The following FLRT2 variants were observed in gnomAD, a reference collection of about 807,000 sequenced individuals.
FLRT2 encodes the protein leucine-rich repeat transmembrane protein FLRT2.
FLRT2 carries 15 observed loss-of-function variants against 40.0 expected under a neutral mutation model. The ratio of observed to expected loss-of-function variants is 0.38; its 90% CI spans 0.25 to 0.58. The LOEUF is 0.58. Ranked by LOEUF, FLRT2 falls within the 20% of genes least tolerant of loss-of-function variation. The probability of loss-of-function intolerance (pLI) is 0.71; values close to 1 mark genes in which losing one functional copy is unlikely to be tolerated. For missense variants in FLRT2, 726 were observed against 840.0 expected, an observed-to-expected ratio of 0.86 and a Z score of 1.68; for synonymous variants, 380 against 336.8, an observed-to-expected ratio of 1.13 and a Z score of -1.41.
At chr14:85,558,218 A>C (rs1449629957) in intron 1 of FLRT2, among the ~76,000 whole-genome samples, 1 of 152,104 alleles carries the variant, frequency 6.6e-6, no homozygotes, top group Non-Finnish European at 1.5e-5. Flanking sequence ...CCTATTTTTA[A>C]TTTGTAAGCA....
rs5810256 is a variant in FLRT2 at position 85,530,619 on chromosome 14, ATT to A, written c.-377+96_-377+97del. 2.7e-3 allele frequency: 405 copies of A among 148,976 alleles called. 5 individuals are homozygous for A. The highest frequency in any genetic ancestry group is 7.8e-3 in the African/African-American group (314 of 40,352). 9.2% of individuals were successfully genotyped at this position (148,976 alleles called of 1,614,324 possible). A position where few individuals can be genotyped will look rare whatever the true frequency, so the allele number is the denominator to read the frequency against. On this transcript the variant is annotated intron_variant, in intron 1 of 1. Transcript: ENST00000330753. ...TGGCACCACGCTGTCTCTTCGGGGG[ATT>A]TTTTTTTTTTGAAAGAGCTGGGGGT...
rs1167699671 is a variant in FLRT2, at chr14:85,652,485, T to A, written c.*28988T>A. 1.3e-5 allele frequency: 2 copies of A among 151,970 alleles called. No homozygotes were observed. The highest frequency in any genetic ancestry group is 4.8e-5 in the African/African-American group (2 of 41,392). 9.4% of individuals were successfully genotyped at this position (151,970 alleles called of 1,614,324 possible). A position where few individuals can be genotyped will look rare whatever the true frequency, so the allele number is the denominator to read the frequency against. On this transcript the variant is annotated 3_prime_UTR_variant, in exon 2 of 2. Coordinates refer to ENST00000330753, the MANE Select transcript of FLRT2 (RefSeq NM_013231.6). The stretch of plus-strand genomic sequence containing the variant: ...CCATAGGAAAATTCTTTTTTGAGAA[T>A]TTTTTTCTTATAACGTTCTTCATCT...
intron 1 of FLRT2, chr14:85,560,845 A>T (rs1049479904): frequency 1.3e-5 from 2 of 151,956 alleles, no homozygotes; most frequent in African/African-American, 4.8e-5. Context: ...AATGTGAAAA[A>T]TTTTCTTTTC....
chr14:85,643,291 T>TTTTCTTTC lies in FLRT2; in HGVS notation c.*19853_*19860dup, dbSNP rs145007843. The TTTTCTTTC allele has an allele frequency of 9.3e-5, 11 of 118,758 alleles. No homozygotes were observed. The highest frequency in any genetic ancestry group is 3.1e-4 in the South Asian group (1 of 3,210). 7.4% of individuals were successfully genotyped at this position (118,758 alleles called of 1,614,324 possible). On this transcript the variant is annotated 3_prime_UTR_variant, in exon 2 of 2. Coordinates refer to ENST00000330753, the MANE Select transcript of FLRT2 (RefSeq NM_013231.6). Reference sequence around the variant, plus strand: ...AGAGAGTTCAGAGGGTATTTCTTTTTTTTCTTTCTTTCTTTCTTTCTTTCT... The same window carrying TTTTCTTTC: ...AGAGAGTTCAGAGGGTATTTCTTTTTTTTCTTTCTTTCTTTCTTTCTTTCTTTCTTTCT...
chr14:85,565,657 A>G (rs1890584700), intron 1 of FLRT2, among the ~76,000 whole-genome samples: 1 of 152,164 alleles, frequency 6.6e-6, no homozygotes, highest in African/African-American at 2.4e-5. Context: ...TAAAATACAC[A>G]TCGTTAGCTT....
rs1205722038 is a variant in FLRT2 at position 85,640,427 on chromosome 14, C to A, written c.*16930C>A. ...TTCCTTGGGAAGTAAACTTTGGTCA[C>A]CACAATATACATAGCAAGTATTAAA... On this transcript the variant is annotated 3_prime_UTR_variant, in exon 2 of 2. Coordinates refer to ENST00000330753, the MANE Select transcript of FLRT2 (RefSeq NM_013231.6). 6.6e-6 allele frequency: 1 copy of A among 152,058 alleles called. No homozygotes were observed. Among genetic ancestry groups the A allele is most frequent in the African/African-American group, 2.4e-5 (1 of 41,388 alleles). 9.4% of individuals were successfully genotyped at this position (152,058 alleles called of 1,614,324 possible).
rs1214839077 is a variant in FLRT2 at position 85,651,336 on chromosome 14, TTTAAA to T, written c.*27843_*27847del. ...ATGTTTTAGCAATTTGGTCAGTTGC[TTTAAA>T]TTAGAGATTTTGCCTGATTGTTATC... On this transcript the variant is annotated 3_prime_UTR_variant, in exon 2 of 2. Coordinates refer to ENST00000330753, the MANE Select transcript of FLRT2 (RefSeq NM_013231.6). 1.3e-5 allele frequency: 2 copies of T among 151,972 alleles called. No individual in the cohort carries two copies. The highest frequency in any genetic ancestry group is 2.9e-5 in the Non-Finnish European group (2 of 67,954). 9.4% of individuals were successfully genotyped at this position (151,972 alleles called of 1,614,324 possible). A position where few individuals can be genotyped will look rare whatever the true frequency, so the allele number is the denominator to read the frequency against.
At chr14:85,595,963 A>G (rs1892121655) in intron 1 of FLRT2, among the ~76,000 whole-genome samples, 1 of 152,146 alleles carries the variant, frequency 6.6e-6, no homozygotes, top group African/African-American at 2.4e-5. Flanking sequence ...TGAGCTGTAC[A>G]AGTCCCCTGG....
rs1314736381 is a variant in FLRT2, at chr14:85,654,259, C to T, written c.*30762C>T. On this transcript the variant is annotated 3_prime_UTR_variant, in exon 2 of 2. Transcript: ENST00000330753. ...TGCCATGGTATCATTCTGTAAATAA[C>T]TTTGTCTATGTAATTGTAGTGTATA... 6.6e-6 allele frequency: 1 copy of T among 152,036 alleles called. No homozygotes were observed. Among genetic ancestry groups the T allele is most frequent in the East Asian group, 1.9e-4 (1 of 5,184 alleles). 9.4% of individuals were successfully genotyped at this position (152,036 alleles called of 1,614,324 possible). A position where few individuals can be genotyped will look rare whatever the true frequency, so the allele number is the denominator to read the frequency against.
intron 1 of FLRT2, among the ~76,000 whole-genome samples, chr14:85,566,774 GAAA>G (rs71120521): frequency 1.4e-5 from 2 of 143,408 alleles, no homozygotes; most frequent in Non-Finnish European, 3.0e-5. Context: ...TCTTCAGCAT[GAAA>G]AAAAAAAAAA....
Position 85,637,694 on chromosome 14 carries a change from C to A in FLRT2, c.*14197C>A, listed in dbSNP as rs1005975724. ...TGATGTAGCTTTGAGGGTGGACCCA[C>A]CATTCCTGCCATATTCCTTGGGTAG... On this transcript the variant is annotated 3_prime_UTR_variant, in exon 2 of 2. Transcript: ENST00000330753. 5.3e-5 allele frequency: 8 copies of A among 152,178 alleles called. No homozygotes were observed. The highest frequency in any genetic ancestry group is 8.8e-5 in the Non-Finnish European group (6 of 68,038). The allele number at this position is 152,178 out of a possible 1,614,324, so 9.4% of individuals were successfully genotyped here.
chr14:85,614,326 T>C (rs1311047454), intron 1 of FLRT2, among the ~76,000 whole-genome samples: 1 of 151,978 alleles, frequency 6.6e-6, no homozygotes, highest in Non-Finnish European at 1.5e-5. Context: ...GATTTATATC[T>C]AATCCTCCCA....
rs761017410 is a variant in FLRT2 at position 85,651,920 on chromosome 14, C to G, written c.*28423C>G. 2.6e-5 allele frequency: 4 copies of G among 152,050 alleles called. No homozygotes were observed. The highest frequency in any genetic ancestry group is 5.9e-5 in the Non-Finnish European group (4 of 67,970). 9.4% of individuals were successfully genotyped at this position (152,050 alleles called of 1,614,324 possible). A position where few individuals can be genotyped will look rare whatever the true frequency, so the allele number is the denominator to read the frequency against. On this transcript the variant is annotated 3_prime_UTR_variant, in exon 2 of 2. Transcript: ENST00000330753. Reference sequence around the variant, plus strand: ...AAGGAATTTCAAACATATTATTGGTCATCATCACCTGCCTATTAAATATGC... The same window carrying G: ...AAGGAATTTCAAACATATTATTGGTGATCATCACCTGCCTATTAAATATGC...
At chr14:85,565,574 G>T (rs1010418330) in intron 1 of FLRT2, among the ~76,000 whole-genome samples, 3 of 151,976 alleles carry the variant, frequency 2.0e-5, no homozygotes, top group African/African-American at 7.3e-5. Flanking sequence ...TTAAATTTTT[G>T]AATGATTTTA....
intron 1 of FLRT2, among the ~76,000 whole-genome samples, chr14:85,537,798 T>A (rs971708082): frequency 6.6e-6 from 1 of 151,998 alleles, no homozygotes; most frequent in African/African-American, 2.4e-5. Flanking sequence ...AAATAATCAG[T>A]GGTATTTTGA....
At chr14:85,599,201 T>G (rs1390175193) in intron 1 of FLRT2, among the ~76,000 whole-genome samples, 1 of 145,996 alleles carries the variant, frequency 6.8e-6, no homozygotes, top group African/African-American at 2.6e-5. Context: ...ATTACAGGCG[T>G]GAGCCGCTGC....
chr14:85,605,557 TCAGGAGATCGAGACCA>T (rs1382385385), intron 1 of FLRT2, among the ~76,000 whole-genome samples: 2 of 152,140 alleles, frequency 1.3e-5, no homozygotes, highest in African/African-American at 4.8e-5. Context: ...GATCACAAGG[TCAGGAGATCGAGACCA>T]TCCTGGCTAA....
intron 1 of FLRT2, among the ~76,000 whole-genome samples, chr14:85,544,212 A>G (rs1203078620): frequency 4.6e-5 from 7 of 152,076 alleles, no homozygotes; most frequent in Non-Finnish European, 1.5e-5. Context: ...TGGCTGGTAA[A>G]CCCAACCTTG....
chr14:85,603,825 T>C (rs1409617297), intron 1 of FLRT2, among the ~76,000 whole-genome samples: 1 of 152,170 alleles, frequency 6.6e-6, no homozygotes, highest in African/African-American at 2.4e-5. Context: ...CCGAGGTCTC[T>C]TGCCACTGCA....
Sources: gnomAD v4.1 joint callset for allele counts (sites outside exome capture counted in the v4.1 genomes callset) on GRCh38, gnomAD v4.1.1 for gene constraint, MANE v1.5 for transcripts, NCBI Gene and HGNC (gene_info 2026-07-23, HGNC 2026-07-21) for gene names.